Variants in KAZN observed in about 807,000 individuals in gnomAD.
The protein encoded by KAZN is kazrin.
Under a neutral mutation model 87.4 loss-of-function variants are expected in KAZN, and 40 were observed. That is an observed-to-expected ratio of 0.46 (90% CI 0.36 to 0.60). The LOEUF (loss-of-function observed/expected upper bound fraction) is 0.60, where lower values mean the gene tolerates loss of function less well. Ranked by LOEUF, KAZN falls within the 20% of genes least tolerant of loss-of-function variation. KAZN has a pLI of 0.00. For synonymous variants in KAZN, 466 were observed against 458.3 expected (o/e 1.02, Z -0.22); for missense variants, 898 against 1,073.9 (o/e 0.84, Z 2.29).
At chr1:14,682,431 G>T (rs1640724250) in intron 1 of KAZN, among the ~76,000 whole-genome samples, 1 of 152,060 alleles carries the variant, frequency 6.6e-6, no homozygotes, top group South Asian at 2.1e-4. Context: ...GGGACCACAG[G>T]CATATACCAC....
intron 2 of KAZN, among the ~76,000 whole-genome samples, chr1:14,324,808 GA>G: frequency 6.6e-6 from 1 of 152,228 alleles, no homozygotes; most frequent in African/African-American, 2.4e-5. Context: ...AATATCCTAA[GA>G]CTTACGGCTG....
intron 1 of KAZN, among the ~76,000 whole-genome samples, chr1:14,095,429 T>C (rs894193122): frequency 4.6e-5 from 7 of 152,232 alleles, no homozygotes; most frequent in African/African-American, 1.7e-4. Flanking sequence ...ACAAACCATC[T>C]ACTACATAGT....
intron 1 of KAZN, among the ~76,000 whole-genome samples, chr1:14,142,544 G>C (rs1256160114): frequency 2.0e-5 from 3 of 152,188 alleles, no homozygotes; most frequent in Admixed American, 1.3e-4. Flanking sequence ...ACAGGAGGAG[G>C]AGAATGTGCC....
At chr1:13,957,813 C>G (rs1191987683) in intron 1 of KAZN, among the ~76,000 whole-genome samples, 1 of 152,072 alleles carries the variant, frequency 6.6e-6, no homozygotes, top group Non-Finnish European at 1.5e-5. Flanking sequence ...GACCCAAACA[C>G]CTCTCATTAG....
intron 1 of KAZN, among the ~76,000 whole-genome samples, chr1:14,169,602 C>G (rs938441442): frequency 6.6e-6 from 1 of 152,148 alleles, no homozygotes; most frequent in Non-Finnish European, 1.5e-5. Context: ...GGGTGTCCAT[C>G]CCCGAGGACT....
intron 2 of KAZN, among the ~76,000 whole-genome samples, chr1:14,189,965 G>A (rs72865718): frequency 0.017 from 2,571 of 152,124 alleles, 73 homozygotes; most frequent in African/African-American, 0.059. Flanking sequence ...TAGAGGGCAC[G>A]AACTGTGTTC....
chr1:14,809,802 A>C (rs1646348520), intron 1 of KAZN, among the ~76,000 whole-genome samples: 1 of 152,152 alleles, frequency 6.6e-6, no homozygotes, highest in Non-Finnish European at 1.5e-5. Context: ...GGAGGCTTGC[A>C]GTCTGATGTC....
At chr1:14,604,998 C>CA (rs1677250260) in intron 1 of KAZN, among the ~76,000 whole-genome samples, 1 of 152,196 alleles carries the variant, frequency 6.6e-6, no homozygotes, top group African/African-American at 2.4e-5. Flanking sequence ...CTTCCATTCC[C>CA]AATATTACCT....
intron 1 of KAZN, among the ~76,000 whole-genome samples, chr1:14,667,059 C>T (rs1032733143): frequency 5.3e-5 from 8 of 152,168 alleles, no homozygotes; most frequent in Admixed American, 1.3e-4. Flanking sequence ...TCCAGGAAGA[C>T]GTCATCTCAA....
chr1:14,166,052 C>T (rs1273588188), intron 1 of KAZN, among the ~76,000 whole-genome samples: 8 of 152,276 alleles, frequency 5.3e-5, no homozygotes, highest in Middle Eastern at 6.8e-3. Flanking sequence ...CTAACATTCA[C>T]GCCTATAATC....
intron 2 of KAZN, among the ~76,000 whole-genome samples, chr1:14,356,150 T>C (rs1010594885): frequency 1.3e-5 from 2 of 152,222 alleles, no homozygotes; most frequent in African/African-American, 4.8e-5. Flanking sequence ...TATCTCACTG[T>C]GGTTTTGTTT....
intron 4 of KAZN, among the ~76,000 whole-genome samples, chr1:15,049,001 A>G (rs1376912881): frequency 6.6e-6 from 1 of 152,106 alleles, no homozygotes; most frequent in Non-Finnish European, 1.5e-5. Flanking sequence ...CCCAAGAAGC[A>G]CCCCGTCTTC....
At chr1:13,917,797 CAA>C (rs35268955) in intron 1 of KAZN, among the ~76,000 whole-genome samples, 117 of 77,934 alleles carry the variant, frequency 1.5e-3, no homozygotes, top group East Asian at 2.5e-3. Flanking sequence ...CCTGTGTCAT[CAA>C]AAAAAAAAAA....
chr1:14,934,596 C>G (rs974931849), intron 1 of KAZN, among the ~76,000 whole-genome samples: 2 of 152,218 alleles, frequency 1.3e-5, no homozygotes, highest in Non-Finnish European at 2.9e-5. Flanking sequence ...TGCTTAGACG[C>G]TGTAGTGTAG....
chr1:14,215,407 G>A (rs1646938456), intron 2 of KAZN, among the ~76,000 whole-genome samples: 1 of 152,136 alleles, frequency 6.6e-6, no homozygotes, highest in Admixed American at 6.5e-5. Flanking sequence ...AAGGAATGTG[G>A]GAAGGGCCTG....
chr1:13,912,157 G>A (rs1047694384), intron 1 of KAZN, among the ~76,000 whole-genome samples: 1 of 152,156 alleles, frequency 6.6e-6, no homozygotes, highest in African/African-American at 2.4e-5. Context: ...CTTCCCAGCC[G>A]AGCACTGGGC....
intron 2 of KAZN, among the ~76,000 whole-genome samples, chr1:14,316,339 T>G (rs1024835182): frequency 6.6e-6 from 1 of 152,052 alleles, no homozygotes; most frequent in Non-Finnish European, 1.5e-5. Flanking sequence ...ATTGTTAAAT[T>G]TATTGGTAAG....
intron 1 of KAZN, among the ~76,000 whole-genome samples, chr1:14,108,136 GCT>G (rs1644419990): frequency 6.6e-6 from 1 of 152,032 alleles, no homozygotes; most frequent in African/African-American, 2.4e-5. Flanking sequence ...CACTGAGGAT[GCT>G]TTTTTTGTAC....
At chr1:14,516,247 C>G (rs987534424) in intron 2 of KAZN, among the ~76,000 whole-genome samples, 1 of 152,252 alleles carries the variant, frequency 6.6e-6, no homozygotes, top group East Asian at 1.9e-4. Flanking sequence ...CCTGCTCTCT[C>G]TCATGATCTC....
Sources: allele counts gnomAD v4.1 joint callset (sites outside exome capture counted in the v4.1 genomes callset), GRCh38; gene constraint gnomAD v4.1.1; transcripts MANE v1.5; gene names NCBI Gene and HGNC (gene_info 2026-07-23, HGNC 2026-07-21).